HDAC4: variants seen among roughly 807,000 people sequenced by gnomAD.
HDAC4 encodes the protein histone deacetylase A.
A neutral mutation model predicts 135.1 loss-of-function variants in HDAC4; 16 were observed. The observed-to-expected ratio is 0.12, with a 90% confidence interval of 0.08 to 0.18. HDAC4 has a LOEUF of 0.18. Among genes scored for constraint, HDAC4 ranks in the 10% least tolerant of loss-of-function variants. The pLI is 1.00. For missense variants in HDAC4, 1,143 were observed against 1,511.8 expected, an observed-to-expected ratio of 0.76 and a Z score of 4.05; for synonymous variants, 685 against 653.4, an observed-to-expected ratio of 1.05 and a Z score of -0.74.
At position 239,090,133 on chromosome 2, in the gene HDAC4, C is replaced by A. The variant is rs779166933; in HGVS notation, c.2281-17G>T. ...ACTGTCCACCTGTGGAAACAACACCCCACAGTGAGGTCACCCTCCCAGGCC... is the reference window on the plus strand; with the variant it reads ...ACTGTCCACCTGTGGAAACAACACCACACAGTGAGGTCACCCTCCCAGGCC... On this transcript the variant is annotated splice_polypyrimidine_tract_variant and intron_variant, in intron 17 of 26. Coordinates refer to ENST00000543185, the MANE Select transcript of HDAC4 (RefSeq NM_001378414.1). 6.3e-7 allele frequency: 1 copy of A among 1,578,400 alleles called. No individual in the cohort carries two copies. Among genetic ancestry groups the A allele is most frequent in the South Asian group, 1.1e-5 (1 of 90,404 alleles).
chr2:239,162,522 T>C (rs753307895), intron 6 of HDAC4, among the ~76,000 whole-genome samples: 1 of 152,172 alleles, frequency 6.6e-6, no homozygotes, highest in Non-Finnish European at 1.5e-5. Flanking sequence ...GGGGCACAGA[T>C]CGGGGTCTCC....
chr2:239,286,432 A>G (rs1038709964), intron 2 of HDAC4, among the ~76,000 whole-genome samples: 1 of 152,210 alleles, frequency 6.6e-6, no homozygotes, highest in Non-Finnish European at 1.5e-5. Flanking sequence ...CAAATCCTGT[A>G]TTTTGTATTC....
intron 3 of HDAC4, among the ~76,000 whole-genome samples, chr2:239,220,127 G>C (rs1419956843): frequency 6.6e-6 from 1 of 152,196 alleles, no homozygotes; most frequent in African/African-American, 2.4e-5. Context: ...ACACAGTGTA[G>C]ACTAAACACT....
chr2:239,137,327 C>T (rs1304651912), intron 9 of HDAC4, among the ~76,000 whole-genome samples: 2 of 152,216 alleles, frequency 1.3e-5, no homozygotes, highest in Admixed American at 6.5e-5. Flanking sequence ...TCCAGGCACG[C>T]GTGTAAATAA....
intron 2 of HDAC4, among the ~76,000 whole-genome samples, chr2:239,253,727 G>A (rs2048907390): frequency 6.6e-6 from 1 of 152,134 alleles, no homozygotes; most frequent in South Asian, 2.1e-4. Flanking sequence ...TTCAAGAGAA[G>A]ACCCCAATTA....
intron 2 of HDAC4, among the ~76,000 whole-genome samples, chr2:239,250,758 G>C (rs1272760730): frequency 1.3e-5 from 2 of 152,210 alleles, no homozygotes; most frequent in African/African-American, 4.8e-5. Context: ...CCTGACTGTG[G>C]ACTGCTGTGT....
At chr2:239,174,901 G>A (rs1264343229) in intron 5 of HDAC4, among the ~76,000 whole-genome samples, 4 of 152,118 alleles carry the variant, frequency 2.6e-5, no homozygotes, top group Non-Finnish European at 4.4e-5. Flanking sequence ...ACATATTAAG[G>A]GTTCCATTTA....
At chr2:239,390,172 G>A (rs1285103887) in intron 1 of HDAC4, among the ~76,000 whole-genome samples, 1 of 152,120 alleles carries the variant, frequency 6.6e-6, no homozygotes, top group Non-Finnish European at 1.5e-5. Context: ...AATTCCCTGA[G>A]GCCACAGTAC....
rs146901984 is a variant in HDAC4 at position 239,373,728 on chromosome 2, T to C, written c.-219-20810A>G. 1.6e-4 allele frequency among the ~76,000 whole-genome samples: 24 copies of C among 152,360 alleles called. No individual in the cohort carries two copies. In the East Asian group the frequency reaches 4.6e-3, roughly 29 times the overall value. ...ATCCGCCTGCCTCAGCTTTGTCAAA[T>C]GTTACACATATTTTTCCAAAACTCT... is the stretch of plus-strand genomic sequence containing the variant. On this transcript the variant is annotated intron_variant, in intron 1 of 26. Transcript: ENST00000543185.
chr2:239,141,033 C>T lies in HDAC4; in HGVS notation c.866-1237G>A, dbSNP rs2041339516. 3.0e-6 allele frequency: 1 copy of T among 335,038 alleles called. No individual in the cohort carries two copies. Among genetic ancestry groups the T allele is most frequent in the Admixed American group, 3.6e-5 (1 of 27,786 alleles). The allele number at this position is 335,038 out of a possible 1,614,324, so 20.8% of individuals were successfully genotyped here. A position where few individuals can be genotyped will look rare whatever the true frequency, so the allele number is the denominator to read the frequency against. On this transcript the variant is annotated intron_variant, in intron 8 of 26. Transcript: ENST00000543185. The surrounding 1 kb of genome is among the most constrained non-coding windows in gnomAD (Gnocchi z 4.9). ...ACTTTGCCTTTATTAGCTCATCCAT[C>T]TCTCAGTCACTGTTTGAGGAAGGTG...
intron 12 of HDAC4, among the ~76,000 whole-genome samples, chr2:239,116,201 C>T (rs894016516): frequency 2.6e-5 from 4 of 152,176 alleles, no homozygotes; most frequent in Non-Finnish European, 2.9e-5. Flanking sequence ...CAAGTATCAG[C>T]GACTCCCAAA....
At chr2:239,374,421 T>TTTA in intron 1 of HDAC4, among the ~76,000 whole-genome samples, 1 of 92,576 alleles carries the variant, frequency 1.1e-5, no homozygotes, top group Non-Finnish European at 2.1e-5. Context: ...TTTTTTTTTT[T>TTTA]GAGACGGAGT....
rs1024802905 is a variant in HDAC4, at chr2:239,313,490, G to A, written c.22+39188C>T. Among the ~76,000 whole-genome samples the A allele has an allele frequency of 2.0e-5, 3 of 152,006 alleles. No homozygotes were observed. Among genetic ancestry groups the A allele is most frequent in the Non-Finnish European group, 2.9e-5 (2 of 68,002 alleles). On this transcript the variant is annotated intron_variant, in intron 2 of 26. Transcript: ENST00000543185. The surrounding 1 kb of genome is among the most constrained non-coding windows in gnomAD (Gnocchi z 5.1). ...GGCCATCCCACCGAGCACTGATACC[G>A]CAGGCTGGACTCTTCCTAACCTCAC...
intron 11 of HDAC4, among the ~76,000 whole-genome samples, chr2:239,131,467 A>C (rs1400156081): frequency 6.6e-6 from 1 of 152,250 alleles, no homozygotes; most frequent in Non-Finnish European, 1.5e-5. Flanking sequence ...ATGGAAACGA[A>C]GATGCAGTGT....
intron 6 of HDAC4, among the ~76,000 whole-genome samples, chr2:239,163,064 C>T (rs563257395): frequency 6.2e-5 from 9 of 144,698 alleles, no homozygotes; most frequent in African/African-American, 1.3e-4. Flanking sequence ...CCTCGCCACT[C>T]GCTCGCACTG....
intron 2 of HDAC4, among the ~76,000 whole-genome samples, chr2:239,237,603 T>C (rs150534191): frequency 1.3e-5 from 2 of 152,150 alleles, no homozygotes; most frequent in Non-Finnish European, 2.9e-5. Flanking sequence ...CCCATTTTTT[T>C]ATCCAAAATA....
intron 2 of HDAC4, among the ~76,000 whole-genome samples, chr2:239,296,828 GGATTAAT>G (rs1189714589): frequency 6.6e-6 from 1 of 151,840 alleles, no homozygotes; most frequent in Non-Finnish European, 1.5e-5. Flanking sequence ...TAGAAAGCGT[GGATTAAT>G]GATTAATGAT....
chr2:239,391,129 C>T (rs1011574435), intron 1 of HDAC4, among the ~76,000 whole-genome samples: 1 of 152,208 alleles, frequency 6.6e-6, no homozygotes, highest in African/African-American at 2.4e-5. Context: ...CATGCCATAG[C>T]AGCTGAGCCA....
At chr2:239,162,402 G>A (rs942351727) in intron 6 of HDAC4, 48 of 453,090 alleles carry the variant, frequency 1.1e-4, no homozygotes, top group African/African-American at 7.8e-4. Flanking sequence ...TCTGAACCAC[G>A]ATCCACACTC....
Sources: allele counts gnomAD v4.1 joint callset (sites outside exome capture counted in the v4.1 genomes callset), GRCh38; gene constraint gnomAD v4.1.1; non-coding constraint Gnocchi (gnomAD v3.1); transcripts MANE v1.5; gene names NCBI Gene and HGNC (gene_info 2026-07-23, HGNC 2026-07-21).